The following JMJD1C variants were observed in gnomAD, a reference collection of about 807,000 sequenced individuals.
The protein encoded by JMJD1C is jumonji domain containing 1C.
A neutral mutation model predicts 245.3 loss-of-function variants in JMJD1C; 31 were observed. The observed-to-expected ratio is 0.13, with a 90% CI of 0.09 to 0.17. JMJD1C has a LOEUF of 0.17. Among genes scored for constraint, JMJD1C ranks in the 10% least tolerant of loss-of-function variants. The probability of loss-of-function intolerance (pLI) is 1.00; values close to 1 mark genes in which losing one functional copy is unlikely to be tolerated. For synonymous variants in JMJD1C, 1,057 were observed against 1,017.4 expected (o/e 1.04, Z -0.74); for missense variants, 2,691 against 3,000.2 (o/e 0.90, Z 2.41).
At position 63,185,566 on chromosome 10, in the gene JMJD1C, G is replaced by C; in HGVS notation, c.6827C>G (p.Ala2276Gly). The change falls in exon 20 of 26, where the codon GCA becomes GGA. Residue 2276 changes from alanine to glycine, a missense_variant. Ala to Gly is a moderately conservative substitution (Grantham distance 60, BLOSUM62 0). Around this residue, in one of 9 missense-constraint regions of JMJD1C, gnomAD observed 232 missense variants for 416.1 expected, o/e 0.56. Transcript: ENST00000399262. The part of the protein sequence containing the change: ...SGEDFKTMMP[A>G]RYEDLLKSLP... ...GTCAAAATGAAAAGTTTCAAACCTT[G>C]CTGGCATCATAGTCTTGAAGTCTTC... 2 of 1,568,520 alleles carry C rather than the reference G, an allele frequency of 1.3e-6. No homozygotes were observed. The highest frequency in any genetic ancestry group is 1.8e-6 in the Non-Finnish European group (2 of 1,138,036).
chr10:63,494,653 T>C (rs1263087392), intron 1 of JMJD1C, among the ~76,000 whole-genome samples: 1 of 152,234 alleles, frequency 6.6e-6, no homozygotes, highest in African/African-American at 2.4e-5. Context: ...CTTTTAGAAA[T>C]CTTGTCCTAT....
chr10:63,323,874 G>A (rs1172346351), intron 2 of JMJD1C, among the ~76,000 whole-genome samples: 2 of 152,046 alleles, frequency 1.3e-5, no homozygotes, highest in East Asian at 1.9e-4. Context: ...ATATGATTAT[G>A]AAAGCCAAAA....
intron 3 of JMJD1C, among the ~76,000 whole-genome samples, chr10:63,223,319 C>T (rs1360493544): frequency 1.3e-5 from 2 of 151,554 alleles, no homozygotes; most frequent in South Asian, 4.2e-4. Flanking sequence ...TCTTCGCCTC[C>T]CAAGTTCAAG....
At chr10:63,507,340 C>T (rs1038483689) in intron 1 of JMJD1C, among the ~76,000 whole-genome samples, 2 of 151,986 alleles carry the variant, frequency 1.3e-5, no homozygotes, top group Non-Finnish European at 1.5e-5. Context: ...ACTGCCAAAC[C>T]GTCTTTAAAA....
intron 24 of JMJD1C, among the ~76,000 whole-genome samples, chr10:63,176,077 C>T (rs1842838274): frequency 6.6e-6 from 1 of 152,042 alleles, no homozygotes; most frequent in African/African-American, 2.4e-5. Flanking sequence ...AGACAGTATA[C>T]AAATAGAAAT....
intron 1 of JMJD1C, among the ~76,000 whole-genome samples, chr10:63,494,681 T>G (rs1260119189): frequency 1.3e-5 from 2 of 152,224 alleles, no homozygotes; most frequent in Non-Finnish European, 2.9e-5. Context: ...CATGGACAAA[T>G]GCACAAAAGT....
chr10:63,267,758 G>C (rs974435712), intron 2 of JMJD1C, among the ~76,000 whole-genome samples: 1 of 151,888 alleles, frequency 6.6e-6, no homozygotes, highest in African/African-American at 2.4e-5. Flanking sequence ...TTTTTTTAAG[G>C]TCATTTATCA....
At chr10:63,440,984 T>C (rs1951349593) in intron 1 of JMJD1C, among the ~76,000 whole-genome samples, 1 of 151,838 alleles carries the variant, frequency 6.6e-6, no homozygotes, top group South Asian at 2.1e-4. Flanking sequence ...CACAAACAAG[T>C]AGGAGGAAAA....
At chr10:63,295,031 AAC>A (rs1859202937) in intron 2 of JMJD1C, among the ~76,000 whole-genome samples, 1 of 151,964 alleles carries the variant, frequency 6.6e-6, no homozygotes, top group African/African-American at 2.4e-5. Flanking sequence ...AAATTTAAAA[AAC>A]AGCAATTAGA....
chr10:63,405,970 C>T (rs1378258464), intron 1 of JMJD1C, among the ~76,000 whole-genome samples: 3 of 152,066 alleles, frequency 2.0e-5, no homozygotes, highest in South Asian at 2.1e-4. Flanking sequence ...CTTATAAGAA[C>T]GTTATCAGAA....
Position 63,167,309 on chromosome 10 carries a change from C to T in JMJD1C, c.*736G>A, listed in dbSNP as rs1453024210. The T allele has an allele frequency of 6.6e-6, 1 of 152,400 alleles. No individual in the cohort carries two copies. Among genetic ancestry groups the T allele is most frequent in the African/African-American group, 2.4e-5 (1 of 41,378 alleles). 9.4% of individuals were successfully genotyped at this position (152,400 alleles called of 1,614,324 possible). On this transcript the variant is annotated 3_prime_UTR_variant, in exon 26 of 26. Coordinates refer to ENST00000399262, the MANE Select transcript of JMJD1C (RefSeq NM_032776.3). ...GCCATATGTAACACTTGCACTTTAA[C>T]AAAAGCAAGCCAATGTTTTAAAAAA...
intron 16 of JMJD1C, among the ~76,000 whole-genome samples, chr10:63,191,981 CTCAAAA>C (rs1319852506): frequency 1.7e-4 from 4 of 23,640 alleles, no homozygotes; most frequent in African/African-American, 7.0e-4. Context: ...GAGACTCTGT[CTCAAAA>C]AAAAAAAAAA....
chr10:63,421,601 C>T (rs1950130737), intron 1 of JMJD1C, among the ~76,000 whole-genome samples: 1 of 152,050 alleles, frequency 6.6e-6, no homozygotes, highest in South Asian at 2.1e-4. Flanking sequence ...TGCTCCTTCC[C>T]CCCAATTAAT....
At chr10:63,472,456 C>T (rs190171354) in intron 1 of JMJD1C, among the ~76,000 whole-genome samples, 204 of 152,250 alleles carry the variant, frequency 1.3e-3, no homozygotes, top group Non-Finnish European at 1.9e-3. Context: ...CTCAGTCTCC[C>T]AAGTAGCTGG....
intron 1 of JMJD1C, chr10:63,427,490 G>C: frequency 7.8e-7 from 1 of 1,274,288 alleles, no homozygotes; most frequent in East Asian, 2.4e-5. Flanking sequence ...ATGTCCCACT[G>C]GGCCAAGCAA....
chr10:63,457,769 A>G (rs1952507469), intron 1 of JMJD1C, among the ~76,000 whole-genome samples: 1 of 152,230 alleles, frequency 6.6e-6, no homozygotes, highest in Non-Finnish European at 1.5e-5. Context: ...ATGGCAGAGT[A>G]CAGAGATAAC....
At chr10:63,366,031 C>T (rs1388512933) in intron 2 of JMJD1C, among the ~76,000 whole-genome samples, 1 of 152,152 alleles carries the variant, frequency 6.6e-6, no homozygotes, top group African/African-American at 2.4e-5. Flanking sequence ...CAGGAAAATG[C>T]TACCAAAGGA....
At chr10:63,459,428 C>T (rs1352092280) in intron 1 of JMJD1C, among the ~76,000 whole-genome samples, 6 of 152,154 alleles carry the variant, frequency 3.9e-5, no homozygotes, top group Non-Finnish European at 1.5e-5. Flanking sequence ...GAAATATTAA[C>T]GATGTATCTC....
At chr10:63,277,092 AG>A (rs751174714) in intron 2 of JMJD1C, among the ~76,000 whole-genome samples, 2 of 151,830 alleles carry the variant, frequency 1.3e-5, no homozygotes, top group Non-Finnish European at 2.9e-5. Context: ...CGTGTTAGCC[AG>A]GATGGTCTCG....
Sources: allele counts gnomAD v4.1 joint callset (sites outside exome capture counted in the v4.1 genomes callset), GRCh38; gene constraint gnomAD v4.1.1; regional missense constraint gnomAD v4.1.1; transcripts MANE v1.5; gene names NCBI Gene and HGNC (gene_info 2026-07-23, HGNC 2026-07-21).